The following ARHGEF33 variants were observed in gnomAD, a reference collection of about 807,000 sequenced individuals.
ARHGEF33 encodes the protein Rho guanine nucleotide exchange factor 33.
A neutral mutation model predicts 101.9 loss-of-function variants in ARHGEF33; 72 were observed. The ratio of observed to expected loss-of-function variants is 0.71; its 90% confidence interval spans 0.58 to 0.86. ARHGEF33 has a LOEUF of 0.86. ARHGEF33 is among the 40% of genes least tolerant of loss of function. The pLI is 0.00. For synonymous variants in ARHGEF33, 499 were observed against 442.5 expected, an observed-to-expected ratio of 1.13 and a Z score of -1.60; for missense variants, 1,169 against 1,111.3, an observed-to-expected ratio of 1.05 and a Z score of -0.74.
At chr2:38,927,868 T>C (rs1171411403) in intron 4 of ARHGEF33, among the ~76,000 whole-genome samples, 1 of 152,216 alleles carries the variant, frequency 6.6e-6, no homozygotes, top group Non-Finnish European at 1.5e-5. Context: ...TAACTTACTG[T>C]CTGTTGAAAA....
rs1180676756 is a variant in ARHGEF33, at chr2:38,953,187, C to G, written c.1079C>G (p.Ala360Gly). ...DENNFLDYYV[A>G]YLRDLPECIS... ...AATAATTTCTTGGATTATTATGTTG[C>G]CTACCTAAGGGACCTGCCTGAGTGC... The change falls in exon 12 of 18, where the codon GCC (alanine) becomes GGC (glycine). Residue 360 changes from alanine (A) to glycine (G), a missense_variant. By Grantham distance (60) the Ala-to-Gly change is moderately conservative (BLOSUM62 0). Transcript: ENST00000409978. The G allele has an allele frequency of 6.5e-7, 1 of 1,536,716 alleles. No homozygotes were observed. Among genetic ancestry groups the G allele is most frequent in the Admixed American group, 2.0e-5 (1 of 50,976 alleles).
rs549645747 is a variant in ARHGEF33 at position 38,950,863 on chromosome 2, T to C, written c.921-126T>C. 7.0e-6 allele frequency: 6 copies of C among 856,864 alleles called. No individual in the cohort carries two copies. In the East Asian group the frequency reaches 1.1e-4, roughly 16 times the overall value. The allele number at this position is 856,864 out of a possible 1,614,324, so 53.1% of individuals were successfully genotyped here. ...GCAATGAAAAACTTTAAAAAATCCT[T>C]AATGCAGGCCTGTGACTCACAGTAT... On this transcript the variant is annotated intron_variant, in intron 10 of 17. Coordinates refer to ENST00000409978, the MANE Select transcript of ARHGEF33 (RefSeq NM_001145451.5).
intron 17 of ARHGEF33, among the ~76,000 whole-genome samples, chr2:38,967,329 G>A (rs1396511453): frequency 6.6e-6 from 1 of 152,206 alleles, no homozygotes; most frequent in African/African-American, 2.4e-5. Flanking sequence ...AAGGAAGAGC[G>A]ACAGCTCTGC....
intron 9 of ARHGEF33, among the ~76,000 whole-genome samples, chr2:38,942,678 T>G (rs1465157705): frequency 1.3e-5 from 2 of 152,186 alleles, no homozygotes. Context: ...AAATTTTTAT[T>G]CTTTTGTATC....
Position 38,960,032 on chromosome 2 carries a change from C to G in ARHGEF33, c.1727C>G (p.Pro576Arg). Residue 576 changes from proline to arginine, a missense_variant, in exon 16 of 18, where the codon CCG becomes CGG. Physicochemically the swap from Pro to Arg is moderately radical, Grantham distance 103. Transcript: ENST00000409978. ...KALAGPLQAI[P>R]EMDFESSPAE... ...CTGGCCGGGCCCCTGCAGGCCATCCCGGAGATGGACTTCGAGTCCTCTCCG... is the reference window on the plus strand; with the variant it reads ...CTGGCCGGGCCCCTGCAGGCCATCCGGGAGATGGACTTCGAGTCCTCTCCG... 1.9e-6 allele frequency: 3 copies of G among 1,545,816 alleles called. No individual in the cohort carries two copies. Among genetic ancestry groups the G allele is most frequent in the Non-Finnish European group, 2.6e-6 (3 of 1,143,878 alleles).
At chr2:38,929,500 A>G (rs936487470) in intron 5 of ARHGEF33, among the ~76,000 whole-genome samples, 1 of 151,874 alleles carries the variant, frequency 6.6e-6, no homozygotes, top group Admixed American at 6.6e-5. Context: ...TGGGCCATCC[A>G]TAGTTATCAT....
chr2:38,935,442 C>G (rs1247531924), intron 7 of ARHGEF33, among the ~76,000 whole-genome samples: 1 of 152,070 alleles, frequency 6.6e-6, no homozygotes, highest in Non-Finnish European at 1.5e-5. Context: ...ACCATTCTGT[C>G]TCTTTTTATT....
intron 17 of ARHGEF33, among the ~76,000 whole-genome samples, chr2:38,971,425 G>A (rs1489607608): frequency 3.9e-5 from 6 of 152,098 alleles, no homozygotes; most frequent in African/African-American, 9.7e-5. Context: ...CCCTGCAGTC[G>A]GCCACGGTGG....
At position 38,974,532 on chromosome 2, in the gene ARHGEF33, G is replaced by A. The variant is rs1302963203; in HGVS notation, c.*689G>A. The A allele has an allele frequency of 6.6e-6, 1 of 152,210 alleles. No individual in the cohort carries two copies. Among genetic ancestry groups the A allele is most frequent in the Non-Finnish European group, 1.5e-5 (1 of 68,040 alleles). The allele number at this position is 152,210 out of a possible 1,614,324, so 9.4% of individuals were successfully genotyped here. A position where few individuals can be genotyped will look rare whatever the true frequency, so the allele number is the denominator to read the frequency against. ...AGGATTTCTGTAGAAACTGGGGAGA[G>A]AGGAAGGCAAAGAAACATTTTCCCT... is the stretch of plus-strand genomic sequence containing the variant. On this transcript the variant is annotated 3_prime_UTR_variant, in exon 18 of 18. Coordinates refer to ENST00000409978, the MANE Select transcript of ARHGEF33 (RefSeq NM_001145451.5).
At chr2:38,931,902 T>C (rs1262133422) in intron 7 of ARHGEF33, among the ~76,000 whole-genome samples, 8 of 152,218 alleles carry the variant, frequency 5.3e-5, no homozygotes, top group Non-Finnish European at 1.2e-4. Context: ...CTCTTATTTA[T>C]GGTCTCACGT....
chr2:38,927,054 A>G (rs567063014), intron 4 of ARHGEF33, among the ~76,000 whole-genome samples: 7 of 152,354 alleles, frequency 4.6e-5, no homozygotes, highest in African/African-American at 1.4e-4. Context: ...AATCCATTGC[A>G]AAGATTAATT....
At chr2:38,945,683 A>G (rs1667429001) in intron 10 of ARHGEF33, among the ~76,000 whole-genome samples, 1 of 152,264 alleles carries the variant, frequency 6.6e-6, no homozygotes, top group Admixed American at 6.5e-5. Context: ...TTGCTTCCAC[A>G]TAGAAAATTC....
At chr2:38,927,400 G>A (rs1666897924) in intron 4 of ARHGEF33, among the ~76,000 whole-genome samples, 1 of 152,100 alleles carries the variant, frequency 6.6e-6, no homozygotes, top group African/African-American at 2.4e-5. Flanking sequence ...TTCCTTTAAA[G>A]TAAAAATACT....
Position 38,956,865 on chromosome 2 carries a change from T to C in ARHGEF33, c.1222-34T>C, listed in dbSNP as rs940207644. 4 of 1,547,826 alleles carry C rather than the reference T, an allele frequency of 2.6e-6. No homozygotes were observed. The Admixed American group carries it at 7.9e-5, about 30-fold the overall frequency. ...AGAAAAAACAAATTTTCATGCTGAT[T>C]ATGCAATGCTACTTCCTTTTCCCCT... On this transcript the variant is annotated intron_variant, in intron 13 of 17. Coordinates refer to ENST00000409978, the MANE Select transcript of ARHGEF33 (RefSeq NM_001145451.5).
intron 15 of ARHGEF33, among the ~76,000 whole-genome samples, chr2:38,958,589 A>C (rs1025844635): frequency 2.6e-5 from 4 of 152,242 alleles, no homozygotes; most frequent in Non-Finnish European, 5.9e-5. Context: ...TTCCAAGTTA[A>C]AAGAGAATTC....
At chr2:38,909,849 CTT>C (rs1666471434) in intron 2 of ARHGEF33, among the ~76,000 whole-genome samples, 1 of 151,478 alleles carries the variant, frequency 6.6e-6, no homozygotes, top group South Asian at 2.1e-4. Context: ...ACACTGTACT[CTT>C]TGTTTTCTTG....
chr2:38,953,693 T>C (rs1403977462), intron 12 of ARHGEF33, among the ~76,000 whole-genome samples: 3 of 152,212 alleles, frequency 2.0e-5, no homozygotes, highest in Non-Finnish European at 4.4e-5. Flanking sequence ...AGTAAGCACA[T>C]ACACATCTAT....
chr2:38,896,105 T>C (rs61393528), intron 2 of ARHGEF33, among the ~76,000 whole-genome samples: 3,311 of 152,274 alleles, frequency 0.022, 132 homozygotes, highest in African/African-American at 0.072. Context: ...GCTAACAGCA[T>C]TGAGACAAGA....
intron 13 of ARHGEF33, 120 bp downstream of exon 13, chr2:38,954,576 A>G: frequency 1.5e-6 from 1 of 660,946 alleles, no homozygotes. Context: ...AGAAGTGTTT[A>G]TTTAGATTGT....
Sources: gnomAD v4.1 joint callset for allele counts (sites outside exome capture counted in the v4.1 genomes callset) on GRCh38, gnomAD v4.1.1 for gene constraint, MANE v1.5 for transcripts, NCBI Gene and HGNC (gene_info 2026-07-23, HGNC 2026-07-21) for gene names.